HDAC9: variants seen among roughly 807,000 people sequenced by gnomAD.
The protein encoded by HDAC9 is MEF-2 interacting transcription repressor (MITR) protein.
Under a neutral mutation model 139.4 loss-of-function variants are expected in HDAC9, and 41 were observed. That is an observed-to-expected ratio of 0.29 (90% CI 0.23 to 0.38). The LOEUF (loss-of-function observed/expected upper bound fraction) is 0.38. Among genes scored for constraint, HDAC9 ranks in the 10% least tolerant of loss-of-function variants. HDAC9 has a pLI of 1.00. For synonymous variants in HDAC9, 517 were observed against 476.2 expected, an observed-to-expected ratio of 1.09 and a Z score of -1.12; for missense variants, 1,147 against 1,297.0, an observed-to-expected ratio of 0.88 and a Z score of 1.78.
intron 2 of HDAC9, among the ~76,000 whole-genome samples, chr7:18,276,830 A>G (rs973146784): frequency 6.6e-6 from 1 of 152,182 alleles, no homozygotes; most frequent in Non-Finnish European, 1.5e-5. Flanking sequence ...AAACATTTTA[A>G]TAGGACAATA....
intron 1 of HDAC9, among the ~76,000 whole-genome samples, chr7:18,328,328 T>C (rs1185403380): frequency 1.3e-5 from 2 of 149,704 alleles, no homozygotes; most frequent in East Asian, 4.0e-4. Flanking sequence ...ATCTTAGCCA[T>C]GGAGATCCAG....
Position 18,240,290 on chromosome 7 carries a change from G to A in HDAC9, c.25+77941G>A, listed in dbSNP as rs112939145. Among the ~76,000 whole-genome samples the A allele has an allele frequency of 1.0e-2, 1,505 of 150,958 alleles. 11 individuals carry two copies. Among genetic ancestry groups the A allele is most frequent in the Non-Finnish European group, 0.017 (1,160 of 67,580 alleles). The stretch of plus-strand genomic sequence containing the variant: ...CTGTTTAGAATTTTGAGTGTAGATT[G>A]TAATTTGGGATATTTTCTACTGGGG... On this transcript the variant is annotated intron_variant, in intron 2 of 12. Coordinates refer to the HDAC9 transcript ENST00000417496.
At chr7:18,841,781 C>T (rs540257001) in intron 21 of HDAC9, among the ~76,000 whole-genome samples, 2 of 152,218 alleles carry the variant, frequency 1.3e-5, no homozygotes, top group African/African-American at 4.8e-5. Flanking sequence ...ACTTTCACTA[C>T]CCTTGATATC....
At chr7:18,981,635 C>T (rs1784955843) in intron 25 of HDAC9, among the ~76,000 whole-genome samples, 1 of 152,130 alleles carries the variant, frequency 6.6e-6, no homozygotes, top group Non-Finnish European at 1.5e-5. Flanking sequence ...TCACATCTAT[C>T]TGACCTTTCT....
chr7:18,113,114 TA>T (rs1438490106), intron 1 of HDAC9, among the ~76,000 whole-genome samples: 1 of 152,314 alleles, frequency 6.6e-6, no homozygotes, highest in East Asian at 1.9e-4. Context: ...GAGGAAATGA[TA>T]AACATAAGAT....
chr7:18,858,982 TGCAGTTAAAAG>T (rs1230964157), intron 21 of HDAC9, among the ~76,000 whole-genome samples: 1 of 152,176 alleles, frequency 6.6e-6, no homozygotes, highest in Non-Finnish European at 1.5e-5. Flanking sequence ...CATCCAAAAA[TGCAGTTAAAAG>T]GCAGTGAAAT....
intron 6 of HDAC9, among the ~76,000 whole-genome samples, chr7:18,607,444 A>G (rs1835840013): frequency 6.6e-6 from 1 of 152,254 alleles, no homozygotes; most frequent in African/African-American, 2.4e-5. Context: ...GTTTCTTCAA[A>G]TAGCAAATAT....
intron 2 of HDAC9, among the ~76,000 whole-genome samples, chr7:18,245,226 T>C (rs747250880): frequency 1.3e-5 from 2 of 152,226 alleles, no homozygotes; most frequent in Non-Finnish European, 2.9e-5. Flanking sequence ...TACTGCTTAG[T>C]ACTAATTCTT....
chr7:18,800,038 A>G (rs911379290), intron 17 of HDAC9, among the ~76,000 whole-genome samples: 1 of 152,192 alleles, frequency 6.6e-6, no homozygotes, highest in African/African-American at 2.4e-5. Flanking sequence ...CATCACCTCC[A>G]AAAATCCTCA....
intron 1 of HDAC9, among the ~76,000 whole-genome samples, chr7:18,102,431 G>A (rs182615603): frequency 6.6e-6 from 1 of 152,178 alleles, no homozygotes; most frequent in Non-Finnish European, 1.5e-5. Flanking sequence ...CTTCAGCACT[G>A]TCATAAATAT....
chr7:18,332,624 C>A (rs180814792), intron 1 of HDAC9, among the ~76,000 whole-genome samples: 16 of 151,666 alleles, frequency 1.1e-4, no homozygotes, highest in African/African-American at 3.9e-4. Context: ...TGTGGAATGG[C>A]AGTCAAGCCG....
chr7:18,396,124 C>CTTCCT (rs1787026384), intron 1 of HDAC9, among the ~76,000 whole-genome samples: 1 of 126,442 alleles, frequency 7.9e-6, no homozygotes, highest in African/African-American at 3.4e-5. Flanking sequence ...CTTCCCTTCC[C>CTTCCT]TTCCCTTGCC....
chr7:18,572,792 G>A (rs1398329957), intron 2 of HDAC9, among the ~76,000 whole-genome samples: 8 of 151,990 alleles, frequency 5.3e-5, no homozygotes, highest in Admixed American at 4.6e-4. Flanking sequence ...TTTTGTTTCC[G>A]TAGTGCAAGG....
Position 18,929,933 on chromosome 7 carries a change from C to T in HDAC9, c.2804-5876C>T, listed in dbSNP as rs1419966859. ...TAGCCCAGGTGACACAGCAAGACGCCGCCTCAAAAAAAAAAATATCTGAAA... is the reference window on the plus strand; with the variant it reads ...TAGCCCAGGTGACACAGCAAGACGCTGCCTCAAAAAAAAAAATATCTGAAA... On this transcript the variant is annotated intron_variant, in intron 22 of 25. Transcript: ENST00000686413. 7.0e-5 allele frequency among the ~76,000 whole-genome samples: 10 copies of T among 143,506 alleles called. 1 individual carries two copies. Among genetic ancestry groups the T allele is most frequent in the East Asian group, 2.3e-4 (1 of 4,370 alleles). The allele number at this position is 143,506 out of a possible 152,430, so 94.1% of individuals were successfully genotyped here. A position where few individuals can be genotyped will look rare whatever the true frequency, so the allele number is the denominator to read the frequency against.
In HDAC9 at chr7:18,137,337, G is replaced by C. The variant is rs1274201785; in HGVS notation, c.-96-24892G>C. Among the ~76,000 whole-genome samples the C allele has an allele frequency of 3.9e-4, 58 of 149,692 alleles. 1 individual carries two copies. Among genetic ancestry groups the C allele is most frequent in the Admixed American group, 1.7e-3 (25 of 15,042 alleles). On this transcript the variant is annotated intron_variant, in intron 1 of 12. Transcript: ENST00000417496. ...ATTGCCCTGGCCAGAACTTCCAACA[G>C]TATGTTGAATAGGAGTGGTGAGAGA... is the stretch of plus-strand genomic sequence containing the variant.
At chr7:18,736,426 TGA>T (rs2129138259) in intron 13 of HDAC9, among the ~76,000 whole-genome samples, 1 of 152,336 alleles carries the variant, frequency 6.6e-6, no homozygotes, top group South Asian at 2.1e-4. Flanking sequence ...CCTGATTTAT[TGA>T]GAGTTTTTAG....
intron 1 of HDAC9, among the ~76,000 whole-genome samples, chr7:18,447,291 A>G (rs1792382792): frequency 6.6e-6 from 1 of 152,174 alleles, no homozygotes; most frequent in South Asian, 2.1e-4. Flanking sequence ...TTATTTTAAT[A>G]TATTTTTTAT....
intron 16 of HDAC9, among the ~76,000 whole-genome samples, chr7:18,783,655 C>T (rs1791442799): frequency 7.7e-6 from 1 of 130,632 alleles, no homozygotes. Flanking sequence ...ACTAGTTCTG[C>T]TGAGACTTTT....
chr7:18,486,072 G>A (rs1795950719), intron 1 of HDAC9, among the ~76,000 whole-genome samples: 1 of 152,090 alleles, frequency 6.6e-6, no homozygotes, highest in Admixed American at 6.6e-5. Context: ...GAAGGCAGAA[G>A]GGCAAGAGAG....
Sources: gnomAD v4.1 joint callset for allele counts (sites outside exome capture counted in the v4.1 genomes callset) on GRCh38, gnomAD v4.1.1 for gene constraint, MANE v1.5 for transcripts, NCBI Gene and HGNC (gene_info 2026-07-23, HGNC 2026-07-21) for gene names.